The following TAFA1 variants were observed in gnomAD, a reference collection of about 807,000 sequenced individuals.
TAFA1 encodes the protein chemokine-like protein TAFA-1.
In TAFA1, 4 loss-of-function variants were observed where a neutral mutation model predicts 18.5. The observed-to-expected ratio is 0.22, with a 90% CI of 0.11 to 0.49. The LOEUF is 0.49. Ranked by LOEUF, TAFA1 falls within the 20% of genes least tolerant of loss-of-function variation. The probability of loss-of-function intolerance (pLI) is 0.98; values close to 1 mark genes in which losing one functional copy is unlikely to be tolerated. For missense variants in TAFA1, 147 were observed against 169.0 expected, an observed-to-expected ratio of 0.87 and a Z score of 0.72; for synonymous variants, 56 against 55.2, an observed-to-expected ratio of 1.01 and a Z score of -0.06.
At chr3:68,241,408 G>C (rs1270652626) in intron 2 of TAFA1, among the ~76,000 whole-genome samples, 1 of 152,078 alleles carries the variant, frequency 6.6e-6, no homozygotes, top group African/African-American at 2.4e-5. Context: ...ATTTCCACAG[G>C]AGACTCAACA....
chr3:68,227,170 G>A (rs531658136), intron 2 of TAFA1, among the ~76,000 whole-genome samples: 1 of 152,168 alleles, frequency 6.6e-6, no homozygotes, highest in East Asian at 1.9e-4. Context: ...TTAACACAAG[G>A]CAAATATTTC....
intron 2 of TAFA1, among the ~76,000 whole-genome samples, chr3:68,398,956 TCTAA>T (rs1200580707): frequency 3.9e-5 from 6 of 152,150 alleles, no homozygotes; most frequent in Admixed American, 6.5e-5. Flanking sequence ...TCTCATTTAG[TCTAA>T]CTGACTTAAC....
chr3:68,184,797 A>G (rs11716986), intron 2 of TAFA1, among the ~76,000 whole-genome samples: 22,653 of 152,192 alleles, frequency 0.15, 2,013 homozygotes, highest in Non-Finnish European at 0.21. Flanking sequence ...TATTTTTCAT[A>G]GTGGCCTGTG....
chr3:68,198,056 C>T (rs1215704513), intron 2 of TAFA1, among the ~76,000 whole-genome samples: 3 of 151,582 alleles, frequency 2.0e-5, no homozygotes, highest in Non-Finnish European at 3.0e-5. Flanking sequence ...GGGTATTAGT[C>T]GTTAAAAATG....
intron 2 of TAFA1, among the ~76,000 whole-genome samples, chr3:68,326,247 C>A (rs950467221): frequency 6.6e-6 from 1 of 152,128 alleles, no homozygotes; most frequent in African/African-American, 2.4e-5. Flanking sequence ...TATTATTGAA[C>A]AAAACCAACT....
At chr3:68,517,609 T>C (rs541607307) in intron 3 of TAFA1, among the ~76,000 whole-genome samples, 13 of 152,280 alleles carry the variant, frequency 8.5e-5, no homozygotes, top group African/African-American at 2.6e-4. Context: ...GAAGAAAATA[T>C]TTGATGAGGA....
At chr3:68,276,811 G>A (rs1281590162) in intron 2 of TAFA1, among the ~76,000 whole-genome samples, 2 of 152,192 alleles carry the variant, frequency 1.3e-5, no homozygotes, top group East Asian at 3.9e-4. Flanking sequence ...GAGGGAGGGA[G>A]GAGGAAAAGG....
At chr3:68,263,529 G>A (rs888980336) in intron 2 of TAFA1, among the ~76,000 whole-genome samples, 80 of 150,840 alleles carry the variant, frequency 5.3e-4, no homozygotes, top group African/African-American at 1.9e-3. Flanking sequence ...TAGTCATGAA[G>A]TTACTGGCAT....
At chr3:68,048,826 G>A (rs764651885) in intron 2 of TAFA1, among the ~76,000 whole-genome samples, 21 of 152,010 alleles carry the variant, frequency 1.4e-4, no homozygotes, top group Non-Finnish European at 2.8e-4. Flanking sequence ...ACTCTATTGT[G>A]CGTATGTACC....
upstream of TAFA1, among the ~76,000 whole-genome samples, chr3:68,003,710 A>C (rs941858343): frequency 2.0e-5 from 3 of 152,214 alleles, no homozygotes; most frequent in African/African-American, 7.2e-5. Flanking sequence ...GGAGAGGAAA[A>C]ATTTTTTAAA....
In TAFA1 at chr3:68,432,452, A is replaced by C. The variant is rs144787198; in HGVS notation, c.259+15032A>C. ...GAAAATATATTAAATTTATATTTTCATTAATAAGTGCATTTCTAGAGCTTA... is the reference window on the plus strand; with the variant it reads ...GAAAATATATTAAATTTATATTTTCCTTAATAAGTGCATTTCTAGAGCTTA... On this transcript the variant is annotated intron_variant, in intron 3 of 4. Transcript: ENST00000478136. Among the ~76,000 whole-genome samples, 16 of 152,160 alleles carry C rather than the reference A, an allele frequency of 1.1e-4. No homozygotes were observed. The East Asian group carries it at 3.1e-3, about 29-fold the overall frequency.
chr3:68,248,723 G>T (rs1185522523), intron 2 of TAFA1, among the ~76,000 whole-genome samples: 2 of 146,876 alleles, frequency 1.4e-5, no homozygotes, highest in Admixed American at 1.4e-4. Context: ...CGGGGTGGGT[G>T]GTGGGCGGGG....
chr3:68,176,214 G>T (rs2066123255), intron 2 of TAFA1, among the ~76,000 whole-genome samples: 1 of 152,168 alleles, frequency 6.6e-6, no homozygotes, highest in Admixed American at 6.5e-5. Context: ...GGATGCCATG[G>T]CTCATGCCTA....
intron 2 of TAFA1, among the ~76,000 whole-genome samples, chr3:68,185,878 T>C (rs1465980254): frequency 1.3e-5 from 2 of 151,448 alleles, no homozygotes; most frequent in East Asian, 3.9e-4. Flanking sequence ...CACTTCAACC[T>C]GGGTAACAGT....
intron 2 of TAFA1, among the ~76,000 whole-genome samples, chr3:68,141,833 T>G (rs1015291256): frequency 6.6e-6 from 1 of 152,216 alleles, no homozygotes; most frequent in Non-Finnish European, 1.5e-5. Flanking sequence ...TCATCTCTGA[T>G]AAGGGTTGAC....
At chr3:68,272,415 A>G (rs2067692426) in intron 2 of TAFA1, among the ~76,000 whole-genome samples, 1 of 152,192 alleles carries the variant, frequency 6.6e-6, no homozygotes, top group African/African-American at 2.4e-5. Flanking sequence ...ATGAGGATGA[A>G]ATAAGATAAA....
chr3:68,484,927 T>C (rs1877001), intron 3 of TAFA1, among the ~76,000 whole-genome samples: 63,276 of 152,004 alleles, frequency 0.42, 13,769 homozygotes, highest in Non-Finnish European at 0.47. Context: ...AAACAATTTG[T>C]TTGCTGGGGT....
chr3:68,395,789 C>A (rs1021497550), intron 2 of TAFA1, among the ~76,000 whole-genome samples: 2 of 152,054 alleles, frequency 1.3e-5, no homozygotes, highest in Non-Finnish European at 2.9e-5. Flanking sequence ...GGGAATATCA[C>A]ACACTGGGGC....
chr3:68,448,970 G>C (rs1364749020), intron 3 of TAFA1, among the ~76,000 whole-genome samples: 1 of 152,180 alleles, frequency 6.6e-6, no homozygotes, highest in African/African-American at 2.4e-5. Flanking sequence ...TGAGCTGCCT[G>C]TTACTCAGGT....
Sources: allele counts gnomAD v4.1 joint callset (sites outside exome capture counted in the v4.1 genomes callset), GRCh38; gene constraint gnomAD v4.1.1; transcripts MANE v1.5; gene names NCBI Gene and HGNC (gene_info 2026-07-23, HGNC 2026-07-21).